KCNH5: variants seen among roughly 807,000 people sequenced by gnomAD.
The protein encoded by KCNH5 is voltage-gated delayed rectifier potassium channel KCNH5.
KCNH5 carries 46 observed loss-of-function variants against 96.1 expected under a neutral mutation model. The observed-to-expected ratio is 0.48, with a 90% CI of 0.38 to 0.61. The LOEUF is 0.61. Among genes scored for constraint, KCNH5 ranks in the 20% least tolerant of loss-of-function variants. The probability of loss-of-function intolerance (pLI) is 0.00; values close to 1 mark genes in which losing one functional copy is unlikely to be tolerated. For synonymous variants in KCNH5, 439 were observed against 449.8 expected (o/e 0.98, Z 0.30); for missense variants, 907 against 1,225.8 (o/e 0.74, Z 3.88).
At chr14:62,813,678 C>T (rs973289915) in intron 8 of KCNH5, among the ~76,000 whole-genome samples, 1 of 152,120 alleles carries the variant, frequency 6.6e-6, no homozygotes, top group Non-Finnish European at 1.5e-5. Flanking sequence ...TTAAGTTATG[C>T]ACTGTTAATT....
intron 7 of KCNH5, among the ~76,000 whole-genome samples, chr14:62,856,518 T>C (rs1176303981): frequency 6.6e-6 from 1 of 152,230 alleles, no homozygotes; most frequent in African/African-American, 2.4e-5. Flanking sequence ...TCACCTTTAA[T>C]AATGACATTT....
At chr14:62,771,460 A>G (rs1045367758) in intron 10 of KCNH5, among the ~76,000 whole-genome samples, 4 of 152,096 alleles carry the variant, frequency 2.6e-5, no homozygotes, top group African/African-American at 7.2e-5. Flanking sequence ...CCCCGTCTCT[A>G]TTACAAAACA....
chr14:62,906,742 C>T (rs545998365), intron 7 of KCNH5, among the ~76,000 whole-genome samples: 19 of 152,224 alleles, frequency 1.2e-4, no homozygotes, highest in South Asian at 4.1e-4. Context: ...GTTTTTTAAA[C>T]ATAACAAAAC....
At chr14:62,908,989 T>C (rs1164479259) in intron 7 of KCNH5, among the ~76,000 whole-genome samples, 2 of 148,118 alleles carry the variant, frequency 1.4e-5, no homozygotes, top group African/African-American at 5.0e-5. Context: ...GAAAACTAAC[T>C]GTAGCCAAGC....
intron 7 of KCNH5, among the ~76,000 whole-genome samples, chr14:62,868,607 G>A (rs559636862): frequency 1.3e-5 from 2 of 152,102 alleles, no homozygotes; most frequent in Admixed American, 6.6e-5. Context: ...TGAACGTGCA[G>A]GTTTGTTACA....
chr14:62,844,539 C>G (rs1265645963), intron 8 of KCNH5, among the ~76,000 whole-genome samples: 2 of 152,080 alleles, frequency 1.3e-5, no homozygotes, highest in African/African-American at 4.8e-5. Flanking sequence ...ACTTATTCCA[C>G]CCATTTCTTC....
intron 7 of KCNH5, chr14:62,949,698 T>C (rs1201589739): frequency 1.2e-5 from 2 of 170,000 alleles, no homozygotes; most frequent in African/African-American, 2.4e-5. Context: ...GTCTTAATTG[T>C]AAAAACCTAT....
At chr14:62,768,654 TTCTA>T (rs1041221147) in intron 10 of KCNH5, among the ~76,000 whole-genome samples, 20 of 152,226 alleles carry the variant, frequency 1.3e-4, no homozygotes, top group African/African-American at 4.6e-4. Context: ...TTAAATACTT[TTCTA>T]TCTATTAAAG....
At position 62,707,745 on chromosome 14, in the gene KCNH5, C is replaced by T. The variant is rs764788193; in HGVS notation, c.2730G>A (p.Leu910=). The part of the protein sequence containing the change: ...PIPEQALQTT[L]QEVKHELKED... Reference sequence around the variant, plus strand: ...CTTTGAGTTCGTGTTTGACTTCCTGCAGTGTGGTCTGTAAGGCCTGCTCGG... The same window carrying T: ...CTTTGAGTTCGTGTTTGACTTCCTGTAGTGTGGTCTGTAAGGCCTGCTCGG... The change falls in exon 11 of 11, where the codon CTG becomes CTA. Residue 910 remains leucine (L), a synonymous_variant. Coordinates refer to ENST00000322893, the MANE Select transcript of KCNH5 (RefSeq NM_139318.5). 9 of 1,613,488 alleles carry T rather than the reference C, an allele frequency of 5.6e-6. No homozygotes were observed. Among genetic ancestry groups the T allele is most frequent in the Middle Eastern group, 3.3e-4 (2 of 6,082 alleles).
At chr14:63,022,684 T>C (rs1448409063) in intron 1 of KCNH5, among the ~76,000 whole-genome samples, 12 of 152,084 alleles carry the variant, frequency 7.9e-5, no homozygotes. Flanking sequence ...TCTCCCAGCA[T>C]AAGGACTTTT....
At chr14:62,977,375 TAAC>T (rs1890522190) in intron 6 of KCNH5, among the ~76,000 whole-genome samples, 1 of 151,528 alleles carries the variant, frequency 6.6e-6, no homozygotes, top group South Asian at 2.1e-4. Context: ...ATAATAATAA[TAAC>T]AATAATAATA....
rs1406549344 is a variant in KCNH5 at position 62,779,886 on chromosome 14, T to A, written c.1861A>T (p.Thr621Ser). The change falls in exon 10 of 11, where the codon ACC (threonine) becomes TCC (serine). Residue 621 changes from threonine to serine, a missense_variant. Thr to Ser is a moderately conservative substitution (Grantham distance 58). Around this residue, in one of 6 missense-constraint regions of KCNH5, gnomAD observed 57 missense variants for 76.0 expected, o/e 0.75. Transcript: ENST00000322893. Reference protein sequence around the residue: ...DVFGDIFWKETTLAHACANVR... With the variant: ...DVFGDIFWKESTLAHACANVR... ...TTCGCACATGCATGGGCAAGGGTGG[T>A]TTCCTTCCAGAAGATGTCTCCAAAT... 2 of 1,613,602 alleles carry A rather than the reference T, an allele frequency of 1.2e-6. No homozygotes were observed. The highest frequency in any genetic ancestry group is 1.7e-6 in the Non-Finnish European group (2 of 1,179,724).
At chr14:62,785,219 A>G (rs1054347711) in intron 9 of KCNH5, among the ~76,000 whole-genome samples, 1 of 149,908 alleles carries the variant, frequency 6.7e-6, no homozygotes, top group Non-Finnish European at 1.5e-5. Flanking sequence ...AAAATTAATT[A>G]ATTTACCAGC....
chr14:62,775,617 C>T (rs143180110), intron 10 of KCNH5, among the ~76,000 whole-genome samples: 43 of 152,270 alleles, frequency 2.8e-4, no homozygotes, highest in African/African-American at 9.6e-4. Flanking sequence ...CTTTGTGTAG[C>T]TACTTCTTAT....
At chr14:62,978,307 G>C (rs990970164) in intron 6 of KCNH5, among the ~76,000 whole-genome samples, 4 of 152,228 alleles carry the variant, frequency 2.6e-5, no homozygotes, top group African/African-American at 7.2e-5. Context: ...GCTGGACCCA[G>C]GGTGCCGCTG....
intron 8 of KCNH5, among the ~76,000 whole-genome samples, chr14:62,818,766 A>C (rs1187794854): frequency 6.6e-6 from 1 of 152,124 alleles, no homozygotes; most frequent in African/African-American, 2.4e-5. Context: ...AAGCAACCCT[A>C]ATGTCTATCA....
At chr14:62,999,050 C>G (rs1227191514) in intron 4 of KCNH5, among the ~76,000 whole-genome samples, 1 of 152,140 alleles carries the variant, frequency 6.6e-6, no homozygotes, top group East Asian at 1.9e-4. Context: ...GGTATATACC[C>G]TGTAATGGGA....
chr14:62,835,709 G>A (rs1186639554), intron 8 of KCNH5, among the ~76,000 whole-genome samples: 1 of 151,944 alleles, frequency 6.6e-6, no homozygotes, highest in Non-Finnish European at 1.5e-5. Flanking sequence ...ACATTAAGAT[G>A]TGGGTTTCTC....
At chr14:63,017,285 A>G (rs1891344194) in intron 1 of KCNH5, among the ~76,000 whole-genome samples, 1 of 151,974 alleles carries the variant, frequency 6.6e-6, no homozygotes, top group Non-Finnish European at 1.5e-5. Context: ...ACACCTAAAA[A>G]TTGGTTAATT....
Sources: gnomAD v4.1 joint callset for allele counts (sites outside exome capture counted in the v4.1 genomes callset) on GRCh38, gnomAD v4.1.1 for gene constraint, gnomAD v4.1.1 regional missense constraint, MANE v1.5 for transcripts, NCBI Gene and HGNC (gene_info 2026-07-23, HGNC 2026-07-21) for gene names.